SEC14L5: variants seen among roughly 807,000 people sequenced by gnomAD.
The protein encoded by SEC14L5 is SEC14 like lipid binding 5.
A neutral mutation model predicts 84.6 loss-of-function variants in SEC14L5; 96 were observed. The ratio of observed to expected loss-of-function variants is 1.13; its 90% CI spans 0.96 to 1.34. The LOEUF is 1.34. SEC14L5 is among the 40% of genes most tolerant of loss of function. The pLI, the probability that SEC14L5 is intolerant of heterozygous loss-of-function variation, is 0.00. For synonymous variants in SEC14L5, 546 were observed against 383.4 expected, an observed-to-expected ratio of 1.42 and a Z score of -4.95; for missense variants, 1,224 against 942.5, an observed-to-expected ratio of 1.30 and a Z score of -3.91.
intron 2 of SEC14L5, among the ~76,000 whole-genome samples, chr16:4,980,863 C>T (rs909491135): frequency 2.6e-5 from 4 of 152,184 alleles, no homozygotes; most frequent in African/African-American, 7.2e-5. Context: ...CTCCAGAAAG[C>T]CCCATGTCTC....
In SEC14L5 at chr16:4,987,562, C is replaced by G. The variant is rs182468915; in HGVS notation, c.69C>G (p.Tyr23Ter). Residue 23 changes from tyrosine to a stop codon, truncating the protein, a stop_gained, in exon 3 of 16, where the codon TAC (tyrosine) becomes TAG (stop). Coordinates refer to ENST00000251170, the MANE Select transcript of SEC14L5 (RefSeq NM_014692.2). LOFTEE classifies it high-confidence loss of function. The part of the protein sequence containing the change: ...KYPFELVMAA[Y>*]EKRFPTCPQI... Reference sequence around the variant, plus strand: ...CACTGCCGCTCTGCCCCCAGGCCTACGAGAAGCGTTTCCCCACGTGCCCAC... The same window carrying G: ...CACTGCCGCTCTGCCCCCAGGCCTAGGAGAAGCGTTTCCCCACGTGCCCAC... 5.8e-6 allele frequency: 9 copies of G among 1,554,496 alleles called. No individual in the cohort carries two copies. The highest frequency in any genetic ancestry group is 2.5e-5 in the East Asian group (1 of 40,560).
chr16:4,990,775 T>C lies in SEC14L5; in HGVS notation c.354T>C (p.Pro118=), dbSNP rs369064610. The C allele has an allele frequency of 2.8e-4, 454 of 1,608,184 alleles. No individual in the cohort carries two copies. The highest frequency in any genetic ancestry group is 3.6e-4 in the Non-Finnish European group (424 of 1,177,218). Residue 118 remains proline (P), a synonymous_variant, in exon 5 of 16, where the codon CCT becomes CCC. Transcript: ENST00000251170. The part of the protein sequence containing the change: ...VNEHCSYTVH[P]ENEDWTCFEQ... ...CCCTGCCTGGCTTTCAGGTCCACCC[T>C]GAGAATGAAGACTGGACTTGCTTCG...
At chr16:5,004,669 G>C (rs935408202) in intron 11 of SEC14L5, among the ~76,000 whole-genome samples, 3 of 152,168 alleles carry the variant, frequency 2.0e-5, no homozygotes, top group Non-Finnish European at 4.4e-5. Flanking sequence ...GGACAGGAGA[G>C]GGCCCTGCAC....
chr16:4,967,137 C>A (rs1955210399), intron 2 of SEC14L5, among the ~76,000 whole-genome samples: 1 of 152,188 alleles, frequency 6.6e-6, no homozygotes, highest in South Asian at 2.1e-4. Flanking sequence ...AAGTTCATTG[C>A]CTCACTGTTC....
intron 2 of SEC14L5, among the ~76,000 whole-genome samples, 194 bp downstream of exon 2, chr16:4,959,580 A>G (rs1335682725): frequency 1.3e-5 from 2 of 152,110 alleles, no homozygotes; most frequent in African/African-American, 4.8e-5. Context: ...CCAGTGACCA[A>G]AACACAAAGT....
At chr16:4,983,172 TTTG>T (rs959994125) in intron 2 of SEC14L5, among the ~76,000 whole-genome samples, 1 of 151,756 alleles carries the variant, frequency 6.6e-6, no homozygotes, top group Admixed American at 6.6e-5. Flanking sequence ...CCAGCTAATT[TTTG>T]TTGTTGTTGT....
Position 5,018,769 on chromosome 16 carries a change from G to T in SEC14L5, c.*3799G>T, listed in dbSNP as rs555649309. ...CAGTTAGAAAATGTTTTTTCCCAGA[G>T]GTTGAAGTATGGAGAGTTTGAGACT... On this transcript the variant is annotated 3_prime_UTR_variant, in exon 16 of 16. Transcript: ENST00000251170. 6.6e-6 allele frequency: 1 copy of T among 152,244 alleles called. No homozygotes were observed. Among genetic ancestry groups the T allele is most frequent in the South Asian group, 2.1e-4 (1 of 4,826 alleles). 9.4% of individuals were successfully genotyped at this position (152,244 alleles called of 1,614,324 possible). A position where few individuals can be genotyped will look rare whatever the true frequency, so the allele number is the denominator to read the frequency against.
intron 8 of SEC14L5, among the ~76,000 whole-genome samples, chr16:4,997,771 C>A (rs1385581115): frequency 1.3e-5 from 2 of 152,104 alleles, no homozygotes; most frequent in Non-Finnish European, 2.9e-5. Context: ...AGGGGAGAAT[C>A]CTTGCCTGCT....
At chr16:5,006,909 G>C (rs996195670) in intron 12 of SEC14L5, among the ~76,000 whole-genome samples, 4 of 152,002 alleles carry the variant, frequency 2.6e-5, no homozygotes, top group Admixed American at 2.0e-4. Context: ...GGGTGCCTTT[G>C]GTTTGGGGAA....
chr16:5,011,088 G>T lies in SEC14L5; in HGVS notation c.1801-7G>T. The T allele has an allele frequency of 6.3e-7, 1 of 1,592,466 alleles. No individual in the cohort carries two copies. The highest frequency in any genetic ancestry group is 8.5e-7 in the Non-Finnish European group (1 of 1,169,846). ...CAGGGCCTCAGGGCAGGGCTGATGT[G>T]TTTCAGGGCTCCCATGTGACCCGGT... On this transcript the variant is annotated splice_region_variant and splice_polypyrimidine_tract_variant and intron_variant, in intron 14 of 15. Coordinates refer to ENST00000251170, the MANE Select transcript of SEC14L5 (RefSeq NM_014692.2).
intron 2 of SEC14L5, among the ~76,000 whole-genome samples, chr16:4,976,161 T>A (rs1046114462): frequency 6.6e-6 from 1 of 152,212 alleles, no homozygotes; most frequent in Admixed American, 6.5e-5. Flanking sequence ...CTAAGCACAT[T>A]GCATGAGCTG....
At chr16:4,976,648 G>A (rs1396796803) in intron 2 of SEC14L5, among the ~76,000 whole-genome samples, 1 of 152,192 alleles carries the variant, frequency 6.6e-6, no homozygotes, top group Non-Finnish European at 1.5e-5. Context: ...GATTTTCCAG[G>A]ATGGGGACCC....
At chr16:4,981,419 G>A (rs1419533445) in intron 2 of SEC14L5, among the ~76,000 whole-genome samples, 1 of 151,910 alleles carries the variant, frequency 6.6e-6, no homozygotes, top group Non-Finnish European at 1.5e-5. Flanking sequence ...GTCTCGTCAA[G>A]GCCTGTTCTG....
At chr16:5,001,043 G>C (rs771243834) in intron 10 of SEC14L5, 118 bp downstream of exon 10, 13 of 780,452 alleles carry the variant, frequency 1.7e-5, no homozygotes, top group Non-Finnish European at 2.4e-5. Context: ...TTCTCCCCCA[G>C]TTTCTACAGT....
At chr16:4,997,099 C>T (rs1316770698) in intron 8 of SEC14L5, 55 bp downstream of exon 8, 2 of 1,301,674 alleles carry the variant, frequency 1.5e-6, no homozygotes, top group Non-Finnish European at 2.1e-6. Context: ...CTGCCAAATG[C>T]ACTTTATTTA....
intron 4 of SEC14L5, among the ~76,000 whole-genome samples, chr16:4,990,558 T>G (rs1400509133): frequency 6.6e-6 from 1 of 152,254 alleles, no homozygotes; most frequent in Non-Finnish European, 1.5e-5. Context: ...CGGCTTCTCA[T>G]GAGAAGGCTT....
At chr16:4,979,959 A>G (rs1041376234) in intron 2 of SEC14L5, among the ~76,000 whole-genome samples, 3 of 152,078 alleles carry the variant, frequency 2.0e-5, no homozygotes, top group African/African-American at 4.8e-5. Flanking sequence ...CAGCATTTCC[A>G]AGCCACCGAT....
intron 2 of SEC14L5, among the ~76,000 whole-genome samples, chr16:4,982,906 A>G (rs1955441281): frequency 6.6e-6 from 1 of 152,186 alleles, no homozygotes; most frequent in Non-Finnish European, 1.5e-5. Flanking sequence ...CAGGAAGCAC[A>G]TTACTGAATA....
intron 14 of SEC14L5, chr16:5,010,760 A>C: frequency 3.4e-6 from 1 of 290,300 alleles, no homozygotes. Flanking sequence ...CCCTTTCCTA[A>C]TCCCCTTGGT....
Sources: allele counts gnomAD v4.1 joint callset (sites outside exome capture counted in the v4.1 genomes callset), GRCh38; gene constraint gnomAD v4.1.1; transcripts MANE v1.5; gene names NCBI Gene and HGNC (gene_info 2026-07-23, HGNC 2026-07-21).